FTL: variants seen among roughly 807,000 people sequenced by gnomAD.
The protein encoded by FTL is ferritin light chain.
Under a neutral mutation model 16.6 loss-of-function variants are expected in FTL, and 17 were observed. The ratio of observed to expected loss-of-function variants is 1.02; its 90% CI spans 0.70 to 1.53. FTL has a LOEUF of 1.53. Ranked by LOEUF, FTL falls within the 40% of genes most tolerant of loss-of-function variation. FTL has a pLI of 0.00. For missense variants in FTL, 186 were observed against 226.1 expected, an observed-to-expected ratio of 0.82 and a Z score of 1.14; for synonymous variants, 73 against 89.9, an observed-to-expected ratio of 0.81 and a Z score of 1.06.
Position 48,966,426 on chromosome 19 carries a change from A to T in FTL, c.375+20A>T. On this transcript the variant is annotated intron_variant, in intron 3 of 3. Coordinates refer to ENST00000331825, the MANE Select transcript of FTL (RefSeq NM_000146.4). Reference sequence around the variant, plus strand: ...CCCCATGTACGTACCCGCTGCATCCATGGCTACCCAACCATACCCCTCAAG... The same window carrying T: ...CCCCATGTACGTACCCGCTGCATCCTTGGCTACCCAACCATACCCCTCAAG... 1 of 1,614,052 alleles carries T rather than the reference A, an allele frequency of 6.2e-7. No individual in the cohort carries two copies. The highest frequency in any genetic ancestry group is 8.5e-7 in the Non-Finnish European group (1 of 1,179,992).
rs749772779 is a variant in FTL, at chr19:48,965,992, G to T, written c.249+76G>T. The T allele has an allele frequency of 1.9e-6, 3 of 1,552,762 alleles. No homozygotes were observed. In the Admixed American group the frequency reaches 5.5e-5, roughly 29 times the overall value. ...GAGGAGCCTTGATTTGAGGGCGTAG[G>T]TGTCGCGTGGGCTTCTGGGAGATTG... On this transcript the variant is annotated intron_variant, in intron 2 of 3. Transcript: ENST00000331825.
In FTL at chr19:48,965,936, T is replaced by C. The variant is rs774980436; in HGVS notation, c.249+20T>C. 1.9e-6 allele frequency: 3 copies of C among 1,613,512 alleles called. No individual in the cohort carries two copies. The African/African-American group carries it at 4.0e-5, about 22-fold the overall frequency. ...ATCAAGGTAACTAGTGTGTGGGTAATGGACTACATCTCCCAGCAGGCCGTG... is the reference window on the plus strand; with the variant it reads ...ATCAAGGTAACTAGTGTGTGGGTAACGGACTACATCTCCCAGCAGGCCGTG... On this transcript the variant is annotated intron_variant, in intron 2 of 3. Coordinates refer to ENST00000331825, the MANE Select transcript of FTL (RefSeq NM_000146.4).
intron 1 of FTL, 48 bp downstream of exon 1, chr19:48,965,657 C>T (rs2038443484): frequency 1.3e-5 from 21 of 1,600,408 alleles, no homozygotes; most frequent in Non-Finnish European, 1.7e-5. Context: ...AGCTGCGCAC[C>T]TCCGGCCCTC....
chr19:48,966,859 G>A lies in FTL; in HGVS notation c.*124G>A. On this transcript the variant is annotated 3_prime_UTR_variant, in exon 4 of 4. Coordinates refer to ENST00000331825, the MANE Select transcript of FTL (RefSeq NM_000146.4). ...ATCCTAACAAGCCTTGGACCAAATG[G>A]AAATAAAGCTTTTTGATGCAGCTGG... 9.7e-7 allele frequency: 1 copy of A among 1,032,730 alleles called. No homozygotes were observed. The highest frequency in any genetic ancestry group is 1.5e-6 in the Non-Finnish European group (1 of 677,758). 64.0% of individuals were successfully genotyped at this position (1,032,730 alleles called of 1,614,324 possible). A position where few individuals can be genotyped will look rare whatever the true frequency, so the allele number is the denominator to read the frequency against.
At chr19:48,965,669 C>A in intron 1 of FTL, 60 bp downstream of exon 1, 3 of 1,603,262 alleles carry the variant, frequency 1.9e-6, no homozygotes, top group Non-Finnish European at 1.7e-6. Flanking sequence ...CCGGCCCTCA[C>A]TGCACGCGCC....
intron 2 of FTL, 90 bp downstream of exon 2, chr19:48,966,006 T>A: frequency 6.6e-7 from 1 of 1,510,766 alleles, no homozygotes; most frequent in Non-Finnish European, 9.0e-7. Flanking sequence ...CGCGTGGGCT[T>A]CTGGGAGATT....
chr19:48,966,455 C>T, intron 3 of FTL, 49 bp downstream of exon 3: 1 of 1,614,142 alleles, frequency 6.2e-7, no homozygotes, highest in Non-Finnish European at 8.5e-7. Flanking sequence ...CCTCAAGCCT[C>T]TGCTCCCTTT....
At chr19:48,966,124 G>T in intron 2 of FTL, 157 bp from the exon 3 acceptor site, 1 of 1,261,896 alleles carries the variant, frequency 7.9e-7, no homozygotes, top group East Asian at 2.3e-5. Context: ...GGGACGTATA[G>T]CTGTAAGAGC....
chr19:48,966,062 A>G (rs1427988819), intron 2 of FTL, 146 bp downstream of exon 2: 9 of 1,245,088 alleles, frequency 7.2e-6, no homozygotes, highest in Non-Finnish European at 1.0e-5. Flanking sequence ...ATAGAGGCGC[A>G]CCTCGTGCAG....
chr19:48,966,178 C>G (rs2038451638), intron 2 of FTL, 103 bp from the exon 3 acceptor site: 1 of 1,524,820 alleles, frequency 6.6e-7, no homozygotes, highest in African/African-American at 1.4e-5. Context: ...TGTCACATGT[C>G]TTTGTGGCCT....
chr19:48,966,154 T>C, intron 2 of FTL, 127 bp from the exon 3 acceptor site: 1 of 1,408,390 alleles, frequency 7.1e-7, no homozygotes, highest in East Asian at 2.3e-5. Flanking sequence ...GTGCGGAGAG[T>C]GATAAATACA....
chr19:48,966,391 C>G lies in FTL; in HGVS notation c.360C>G (p.Ala120=). Residue 120 remains alanine (A), a synonymous_variant, in exon 3 of 4, where the codon GCC becomes GCG. Coordinates refer to ENST00000331825, the MANE Select transcript of FTL (RefSeq NM_000146.4). The part of the protein sequence containing the change: ...ALLDLHALGS[A]RTDPHLCDFL... ...TGGATCTTCATGCCCTGGGTTCTGCCCGCACGGACCCCCATGTACGTACCC... is the reference window on the plus strand; with the variant it reads ...TGGATCTTCATGCCCTGGGTTCTGCGCGCACGGACCCCCATGTACGTACCC... 6.2e-7 allele frequency: 1 copy of G among 1,614,108 alleles called. No individual in the cohort carries two copies. Among genetic ancestry groups the G allele is most frequent in the Non-Finnish European group, 8.5e-7 (1 of 1,180,034 alleles).
intron 2 of FTL, 43 bp from the exon 3 acceptor site, chr19:48,966,238 T>C (rs752984778): frequency 1.2e-6 from 2 of 1,613,372 alleles, no homozygotes; most frequent in Non-Finnish European, 1.7e-6. Flanking sequence ...TAGTTCTATG[T>C]GCCGAGTGTG....
chr19:48,966,866 A>T lies in FTL; in HGVS notation c.*131A>T, dbSNP rs374919004. The T allele has an allele frequency of 2.8e-5, 27 of 980,322 alleles. No individual in the cohort carries two copies. Among genetic ancestry groups the T allele is most frequent in the East Asian group, 2.1e-4 (8 of 38,532 alleles). 60.7% of individuals were successfully genotyped at this position (980,322 alleles called of 1,614,324 possible). A position where few individuals can be genotyped will look rare whatever the true frequency, so the allele number is the denominator to read the frequency against. On this transcript the variant is annotated 3_prime_UTR_variant, in exon 4 of 4. Transcript: ENST00000331825. ...CAAGCCTTGGACCAAATGGAAATAA[A>T]GCTTTTTGATGCAGCTGGTGGTTTT...
intron 3 of FTL, 31 bp from the exon 4 acceptor site, chr19:48,966,552 G>C (rs375326471): frequency 1.2e-6 from 2 of 1,613,446 alleles, no homozygotes; most frequent in Non-Finnish European, 1.7e-6. Flanking sequence ...TCCAGGGATT[G>C]GGTTTCTAAT....
At position 48,965,825 on chromosome 19, in the gene FTL, G is replaced by T. The variant is rs1222336749; in HGVS notation, c.158G>T (p.Arg53Leu). 5 of 1,614,022 alleles carry T rather than the reference G, an allele frequency of 3.1e-6. No homozygotes were observed. Among genetic ancestry groups the T allele is most frequent in the African/African-American group, 1.3e-5 (1 of 74,902 alleles). ...CTGGAAGGCGTGAGCCACTTCTTCC[G>T]CGAATTGGCCGAGGAGAAGCGCGAG... ...VALEGVSHFF[R>L]ELAEEKREGY... The change falls in exon 2 of 4, where the codon CGC becomes CTC. Residue 53 changes from arginine to leucine, a missense_variant. Arg to Leu is a moderately radical substitution (Grantham distance 102). Transcript: ENST00000331825.
At position 48,966,802 on chromosome 19, in the gene FTL, C is replaced by T. The variant is rs551215005; in HGVS notation, c.*67C>T. On this transcript the variant is annotated 3_prime_UTR_variant, in exon 4 of 4. Coordinates refer to ENST00000331825, the MANE Select transcript of FTL (RefSeq NM_000146.4). Reference sequence around the variant, plus strand: ...AGTAATAGGGCTTCTGCCTAAGCCTCTCCCTCCAGCCAATAGGCAGCTTTC... The same window carrying T: ...AGTAATAGGGCTTCTGCCTAAGCCTTTCCCTCCAGCCAATAGGCAGCTTTC... The T allele has an allele frequency of 8.2e-5, 126 of 1,536,870 alleles. 1 individual carries two copies. The South Asian group carries it at 1.3e-3, about 15-fold the overall frequency.
intron 2 of FTL, 178 bp from the exon 3 acceptor site, chr19:48,966,103 G>A (rs1228926471): frequency 1.7e-6 from 2 of 1,201,740 alleles, no homozygotes; most frequent in South Asian, 2.5e-5. Context: ...CCACACCGCT[G>A]CGTGGTCTTA....
rs1568612118 is a variant in FTL at position 48,965,491 on chromosome 19, C to T, written c.-17C>T. 2 of 1,591,758 alleles carry T rather than the reference C, an allele frequency of 1.3e-6. No homozygotes were observed. The highest frequency in any genetic ancestry group is 2.2e-5 in the East Asian group (1 of 44,778). Reference sequence around the variant, plus strand: ...CCAGCACCGTTTTTGTGGTTAGCTCCTTCTTGCCAACCAACCATGAGCTCC... The same window carrying T: ...CCAGCACCGTTTTTGTGGTTAGCTCTTTCTTGCCAACCAACCATGAGCTCC... On this transcript the variant is annotated 5_prime_UTR_variant, in exon 1 of 4. Transcript: ENST00000331825.
Sources: gnomAD v4.1 joint callset for allele counts on GRCh38, gnomAD v4.1.1 for gene constraint, MANE v1.5 for transcripts, NCBI Gene and HGNC (gene_info 2026-07-23, HGNC 2026-07-21) for gene names.